The following RNF180 variants were observed in gnomAD, a reference collection of about 807,000 sequenced individuals.
RNF180 encodes the protein ring finger protein 180.
In RNF180, 38 loss-of-function variants were observed where a neutral mutation model predicts 59.2. That is an observed-to-expected ratio of 0.64 (90% CI 0.50 to 0.84). The LOEUF (loss-of-function observed/expected upper bound fraction) is 0.84. RNF180 is among the 40% of genes least tolerant of loss of function. The probability of loss-of-function intolerance (pLI) is 0.00; values close to 1 mark genes in which losing one functional copy is unlikely to be tolerated. For missense variants in RNF180, 705 were observed against 700.9 expected (o/e 1.01, Z -0.07); for synonymous variants, 262 against 240.3 (o/e 1.09, Z -0.84).
At chr5:64,260,484 CAG>C (rs527709607) in intron 5 of RNF180, among the ~76,000 whole-genome samples, 151 of 152,286 alleles carry the variant, frequency 9.9e-4, no homozygotes, top group Non-Finnish European at 1.9e-3. Context: ...GATTTCATGA[CAG>C]ATGCTATCTG....
At chr5:64,347,045 A>AACTC (rs1329338335) in intron 7 of RNF180, among the ~76,000 whole-genome samples, 5 of 152,238 alleles carry the variant, frequency 3.3e-5, no homozygotes, top group African/African-American at 9.6e-5. Context: ...AAATAAAGTT[A>AACTC]ACTCTGGCAT....
chr5:64,207,815 C>G (rs1418320624), intron 2 of RNF180, among the ~76,000 whole-genome samples: 2 of 152,068 alleles, frequency 1.3e-5, no homozygotes, highest in Admixed American at 1.3e-4. Context: ...ACATTTGTGA[C>G]ACTTTAGACA....
intron 7 of RNF180, among the ~76,000 whole-genome samples, chr5:64,340,835 C>A (rs1165937715): frequency 1.3e-5 from 2 of 152,118 alleles, no homozygotes; most frequent in Non-Finnish European, 2.9e-5. Flanking sequence ...ACTTATAATG[C>A]AAATTGTACA....
At chr5:64,359,794 T>C (rs927184535) in intron 7 of RNF180, among the ~76,000 whole-genome samples, 2 of 152,070 alleles carry the variant, frequency 1.3e-5, no homozygotes, top group African/African-American at 4.8e-5. Context: ...CTTTAATCCA[T>C]CTTGAATTGA....
At chr5:64,212,416 T>C (rs147026652) in intron 3 of RNF180, among the ~76,000 whole-genome samples, 62 of 152,070 alleles carry the variant, frequency 4.1e-4, no homozygotes, top group African/African-American at 1.2e-3. Flanking sequence ...ATATATGACA[T>C]ATATATTATT....
chr5:64,271,894 G>T (rs923281399), intron 5 of RNF180, among the ~76,000 whole-genome samples: 1 of 151,952 alleles, frequency 6.6e-6, no homozygotes, highest in African/African-American at 2.4e-5. Flanking sequence ...CCAGGTTTAT[G>T]CACGTTTCCC....
chr5:64,345,108 C>T (rs1031182810), intron 7 of RNF180, among the ~76,000 whole-genome samples: 12 of 152,098 alleles, frequency 7.9e-5, no homozygotes, highest in Middle Eastern at 3.2e-3. Context: ...TGTATAGCCC[C>T]TAAAGGGCTT....
chr5:64,172,384 C>G (rs1445425892), intron 1 of RNF180, among the ~76,000 whole-genome samples: 1 of 152,084 alleles, frequency 6.6e-6, no homozygotes, highest in Non-Finnish European at 1.5e-5. Flanking sequence ...TCCCCCCACC[C>G]CCCACAAGGA....
intron 5 of RNF180, among the ~76,000 whole-genome samples, chr5:64,317,317 G>A (rs1744093090): frequency 6.6e-6 from 1 of 152,032 alleles, no homozygotes; most frequent in South Asian, 2.1e-4. Flanking sequence ...TCTATTAAGT[G>A]TGCAATAGTA....
At chr5:64,259,266 G>A (rs1489951779) in intron 5 of RNF180, among the ~76,000 whole-genome samples, 3 of 152,146 alleles carry the variant, frequency 2.0e-5, no homozygotes, top group South Asian at 2.1e-4. Flanking sequence ...TGAGAATCCC[G>A]ACAGTAAGGG....
chr5:64,236,841 C>A (rs2112220491), intron 5 of RNF180, among the ~76,000 whole-genome samples: 1 of 152,296 alleles, frequency 6.6e-6, no homozygotes, highest in East Asian at 1.9e-4. Flanking sequence ...GTGAAAGCCC[C>A]AAGCCTTGGC....
chr5:64,302,947 CAGA>C (rs1450223711), intron 5 of RNF180, among the ~76,000 whole-genome samples: 1 of 151,650 alleles, frequency 6.6e-6, no homozygotes, highest in Non-Finnish European at 1.5e-5. Flanking sequence ...TTTTAACAAA[CAGA>C]AGGTTTGTGA....
chr5:64,283,722 G>A (rs1742133331), intron 5 of RNF180, among the ~76,000 whole-genome samples: 2 of 152,144 alleles, frequency 1.3e-5, no homozygotes, highest in South Asian at 2.1e-4. Context: ...TTTGCCTTCT[G>A]CCATGATTGT....
In RNF180 at chr5:64,214,084, CT is replaced by C. The variant is rs1295413331; in HGVS notation, c.759del (p.Ala254ProfsTer5). 6.2e-7 allele frequency: 1 copy of C among 1,613,930 alleles called. No homozygotes were observed. Among genetic ancestry groups the C allele is most frequent in the Non-Finnish European group, 8.5e-7 (1 of 1,179,832 alleles). On this transcript the variant is annotated frameshift_variant, in exon 4 of 8. Transcript: ENST00000389100. LOFTEE classifies it high-confidence loss of function. ...PTLYEIHSKT[T>X]AYSRLNETQP... Reference sequence around the variant, plus strand: ...TTATATGAAATACATAGTAAGACTACTGCCTATTCCAGACTAAATGAAACAC... The same window carrying C: ...TTATATGAAATACATAGTAAGACTACGCCTATTCCAGACTAAATGAAACAC...
intron 7 of RNF180, among the ~76,000 whole-genome samples, chr5:64,339,693 G>T (rs946518791): frequency 8.9e-5 from 13 of 145,646 alleles, no homozygotes; most frequent in East Asian, 4.0e-4. Context: ...AAATTAGTGG[G>T]TTTTTTTTTT....
chr5:64,296,772 G>A (rs1742904838), intron 5 of RNF180, among the ~76,000 whole-genome samples: 1 of 152,150 alleles, frequency 6.6e-6, no homozygotes, highest in South Asian at 2.1e-4. Context: ...GGAGGGAAAT[G>A]CATAGTTGGA....
chr5:64,274,667 A>C (rs1166523398), intron 5 of RNF180, among the ~76,000 whole-genome samples: 1 of 151,978 alleles, frequency 6.6e-6, no homozygotes, highest in Non-Finnish European at 1.5e-5. Flanking sequence ...CCTCACAGCC[A>C]CAAATCGTGC....
chr5:64,337,009 T>TTTTTTG lies in RNF180; in HGVS notation c.1579+6627_1579+6632dup, dbSNP rs1554044718. 2.0e-4 allele frequency among the ~76,000 whole-genome samples: 30 copies of TTTTTTG among 151,632 alleles called. No individual in the cohort carries two copies. The Middle Eastern group carries it at 0.01, about 52-fold the overall frequency. ...GATTTTCTTTTTTTGTTGTTGTTTTTTTTTTGTTTTTGTTTTTGTTTTTGT... is the reference window on the plus strand; with the variant it reads ...GATTTTCTTTTTTTGTTGTTGTTTTTTTTTTGTTTTTGTTTTTGTTTTTGTTTTTGT... On this transcript the variant is annotated intron_variant, in intron 7 of 7. Coordinates refer to ENST00000389100, the MANE Select transcript of RNF180 (RefSeq NM_001113561.2).
chr5:64,294,496 G>A (rs758360908), intron 5 of RNF180, among the ~76,000 whole-genome samples: 1 of 152,030 alleles, frequency 6.6e-6, no homozygotes, highest in Non-Finnish European at 1.5e-5. Context: ...TAAAGTTATA[G>A]CAACCATGTA....
Sources: allele counts gnomAD v4.1 joint callset (sites outside exome capture counted in the v4.1 genomes callset), GRCh38; gene constraint gnomAD v4.1.1; transcripts MANE v1.5; gene names NCBI Gene and HGNC (gene_info 2026-07-23, HGNC 2026-07-21).